LRP1B: variants seen among roughly 807,000 people sequenced by gnomAD.
LRP1B encodes LDL receptor related protein 1B.
LRP1B carries 217 observed loss-of-function variants against 556.6 expected under a neutral mutation model. The ratio of observed to expected loss-of-function variants is 0.39; its 90% confidence interval spans 0.35 to 0.44. The LOEUF is 0.44. LRP1B is among the 20% of genes least tolerant of loss of function. The pLI, the probability that LRP1B is intolerant of heterozygous loss-of-function variation, is 1.00. For synonymous variants in LRP1B, 2,047 were observed against 1,865.8 expected, an observed-to-expected ratio of 1.10 and a Z score of -2.50; for missense variants, 5,053 against 5,620.8, an observed-to-expected ratio of 0.90 and a Z score of 3.23.
At chr2:140,307,926 C>T (rs1258917922) in intron 83 of LRP1B, among the ~76,000 whole-genome samples, 2 of 151,706 alleles carry the variant, frequency 1.3e-5, no homozygotes, top group Non-Finnish European at 3.0e-5. Context: ...AGGACTTTAG[C>T]AGAATTCTTA....
intron 20 of LRP1B, among the ~76,000 whole-genome samples, chr2:140,941,587 G>A (rs1225783496): frequency 1.3e-5 from 2 of 152,134 alleles, no homozygotes; most frequent in African/African-American, 4.8e-5. Flanking sequence ...ACTGGATTGA[G>A]CCTGAATTAT....
chr2:142,008,753 T>C (rs936243786), intron 1 of LRP1B, among the ~76,000 whole-genome samples: 2 of 152,162 alleles, frequency 1.3e-5, no homozygotes, highest in Non-Finnish European at 2.9e-5. Context: ...GTCCCCTTCT[T>C]GATTTACCTG....
intron 41 of LRP1B, among the ~76,000 whole-genome samples, chr2:140,613,032 C>T (rs1683123023): frequency 6.6e-6 from 1 of 150,602 alleles, no homozygotes. Flanking sequence ...TTTTTCTTAC[C>T]TTTCATGATT....
In LRP1B at chr2:140,858,527, A is replaced by G. The variant is rs185202511; in HGVS notation, c.4580-6744T>C. Among the ~76,000 whole-genome samples, 927 of 149,618 alleles carry G rather than the reference A, an allele frequency of 6.2e-3. 10 individuals carry two copies. The highest frequency in any genetic ancestry group is 0.021 in the African/African-American group (869 of 40,590). ...GAGAGAGAGAGAGAGAGAGAGAGAG[A>G]GAAAGGAAAGAGAAAGAGAAATTTA... On this transcript the variant is annotated intron_variant, in intron 27 of 90. Transcript: ENST00000389484.
Position 140,851,706 on chromosome 2 carries a change from C to T in LRP1B, c.4657G>A (p.Ala1553Thr), listed in dbSNP as rs1405093504. The T allele has an allele frequency of 1.2e-6, 2 of 1,611,836 alleles. No individual in the cohort carries two copies. The highest frequency in any genetic ancestry group is 1.7e-6 in the Non-Finnish European group (2 of 1,179,310). Reference protein sequence around the residue: ...MCLINHNRSAACACPHLMKLS... With the variant: ...MCLINHNRSATCACPHLMKLS... ...TTCATCAAGTGGGGGCACGCACAGG[C>T]AGCACTCCTATTGTGATTGATTAGA... Residue 1553 changes from alanine (A) to threonine (T), a missense_variant, in exon 28 of 91, where the codon GCC becomes ACC. Coordinates refer to ENST00000389484, the MANE Select transcript of LRP1B (RefSeq NM_018557.3).
intron 3 of LRP1B, among the ~76,000 whole-genome samples, chr2:141,282,074 G>A (rs568306099): frequency 6.6e-6 from 1 of 151,964 alleles, no homozygotes; most frequent in African/African-American, 2.4e-5. Context: ...CATAGTGCCT[G>A]TACAAATTTC....
chr2:141,609,121 C>A (rs1425779248), intron 2 of LRP1B, among the ~76,000 whole-genome samples: 1 of 152,094 alleles, frequency 6.6e-6, no homozygotes, highest in African/African-American at 2.4e-5. Context: ...CTTACGTCAA[C>A]AATGGACCAT....
At chr2:141,379,872 G>A (rs1033264948) in intron 3 of LRP1B, among the ~76,000 whole-genome samples, 2 of 152,098 alleles carry the variant, frequency 1.3e-5, no homozygotes, top group Non-Finnish European at 2.9e-5. Flanking sequence ...TCCATGAAAG[G>A]GATTAGACTG....
intron 1 of LRP1B, among the ~76,000 whole-genome samples, chr2:141,867,321 T>C (rs2105795501): frequency 6.6e-6 from 1 of 152,184 alleles, no homozygotes; most frequent in East Asian, 1.9e-4. Context: ...ACTTCTAGTT[T>C]CAAAAAGCTA....
At chr2:142,001,041 T>C (rs1354006067) in intron 1 of LRP1B, among the ~76,000 whole-genome samples, 1 of 152,184 alleles carries the variant, frequency 6.6e-6, no homozygotes, top group Admixed American at 6.6e-5. Context: ...GATGGTTTTA[T>C]AAAGGGTTTC....
In LRP1B at chr2:141,096,635, A is replaced by G. The variant is rs1417617607; in HGVS notation, c.1014-34362T>C. On this transcript the variant is annotated intron_variant, in intron 7 of 90. Coordinates refer to ENST00000389484, the MANE Select transcript of LRP1B (RefSeq NM_018557.3). ...GACAAAGACGGGGAGAGGGGGAGAG[A>G]GAGAGAGAGAGAGAGAGAGAGAGAG... 8.5e-3 allele frequency among the ~76,000 whole-genome samples: 446 copies of G among 52,370 alleles called. 6 individuals are homozygous for G. Among genetic ancestry groups the G allele is most frequent in the African/African-American group, 0.029 (396 of 13,534 alleles). 34.4% of individuals were successfully genotyped at this position (52,370 alleles called of 152,430 possible). A position where few individuals can be genotyped will look rare whatever the true frequency, so the allele number is the denominator to read the frequency against.
At chr2:140,476,948 C>T (rs1688000207) in intron 59 of LRP1B, among the ~76,000 whole-genome samples, 1 of 151,928 alleles carries the variant, frequency 6.6e-6, no homozygotes, top group Admixed American at 6.6e-5. Flanking sequence ...AATAATAGAT[C>T]CTAAGCCCCT....
intron 62 of LRP1B, among the ~76,000 whole-genome samples, chr2:140,450,963 A>C (rs1686861481): frequency 6.6e-6 from 1 of 152,146 alleles, no homozygotes; most frequent in Non-Finnish European, 1.5e-5. Context: ...GTTGGTCGAG[A>C]TAGGGTCTCG....
intron 3 of LRP1B, among the ~76,000 whole-genome samples, chr2:141,257,740 G>A (rs1261785898): frequency 1.3e-5 from 2 of 152,176 alleles, no homozygotes; most frequent in Non-Finnish European, 2.9e-5. Context: ...GATATTAGGT[G>A]AAATGGTAAA....
At chr2:141,556,038 G>A (rs994580620) in intron 2 of LRP1B, among the ~76,000 whole-genome samples, 1 of 151,766 alleles carries the variant, frequency 6.6e-6, no homozygotes, top group Non-Finnish European at 1.5e-5. Flanking sequence ...CCTAATCCAT[G>A]TATTTATCTA....
At chr2:140,662,009 G>T (rs551862875) in intron 41 of LRP1B, among the ~76,000 whole-genome samples, 1 of 151,738 alleles carries the variant, frequency 6.6e-6, no homozygotes. Context: ...CTCAAATATC[G>T]TGTTAAAAAC....
chr2:140,308,429 T>C (rs149622389), intron 83 of LRP1B, among the ~76,000 whole-genome samples: 1 of 151,824 alleles, frequency 6.6e-6, no homozygotes, highest in Non-Finnish European at 1.5e-5. Context: ...TTCTGTGACA[T>C]AGTGACCGAT....
chr2:141,336,522 T>C (rs1687855283), intron 3 of LRP1B, among the ~76,000 whole-genome samples: 1 of 152,216 alleles, frequency 6.6e-6, no homozygotes, highest in South Asian at 2.1e-4. Context: ...TTAATTTTGC[T>C]TACAATTTTT....
chr2:141,944,383 C>T (rs1700897609), intron 1 of LRP1B, among the ~76,000 whole-genome samples: 2 of 152,156 alleles, frequency 1.3e-5, no homozygotes, highest in South Asian at 4.1e-4. Context: ...ATACTACCTT[C>T]CCTATCCTTA....
Sources: allele counts gnomAD v4.1 joint callset (sites outside exome capture counted in the v4.1 genomes callset), GRCh38; gene constraint gnomAD v4.1.1; transcripts MANE v1.5; gene names NCBI Gene and HGNC (gene_info 2026-07-23, HGNC 2026-07-21).